The following LRRC39 variants were observed in gnomAD, a reference collection of about 807,000 sequenced individuals.
LRRC39 encodes the protein leucine rich repeat containing 39.
A neutral mutation model predicts 39.7 loss-of-function variants in LRRC39; 35 were observed. The observed-to-expected ratio is 0.88, with a 90% CI of 0.67 to 1.17. The LOEUF (loss-of-function observed/expected upper bound fraction) is 1.17. Ranked by LOEUF, LRRC39 falls within the 50% of genes most tolerant of loss-of-function variation. LRRC39 has a pLI of 0.00. For missense variants in LRRC39, 357 were observed against 385.8 expected (o/e 0.93, Z 0.62); for synonymous variants, 113 against 134.1 (o/e 0.84, Z 1.09).
chr1:100,169,997 A>G lies in LRRC39; in HGVS notation c.-78-1403T>C, dbSNP rs546433246. Among the ~76,000 whole-genome samples, 23 of 152,286 alleles carry G rather than the reference A, an allele frequency of 1.5e-4. No homozygotes were observed. The South Asian group carries it at 4.6e-3, about 30-fold the overall frequency. ...GGTCATAATTTGTACTTCCCTGATG[A>G]TTAAGTGTTCCAAGTTAATATACAA... On this transcript the variant is annotated intron_variant, in intron 2 of 9. Transcript: ENST00000370137.
At chr1:100,151,477 G>A (rs111334083) in intron 9 of LRRC39, among the ~76,000 whole-genome samples, 6,004 of 152,146 alleles carry the variant, frequency 0.039, 185 homozygotes, top group Non-Finnish European at 0.06. Context: ...TCCACTGAAT[G>A]TTAGTAAAAA....
In LRRC39 at chr1:100,153,103, A is replaced by G. The variant is rs536142556; in HGVS notation, c.813-579T>C. ...ATATCTTAAATATAAAATTAGTGCT[A>G]TGAACTTAGTTTCTGCATAATTTAT... On this transcript the variant is annotated intron_variant, in intron 8 of 9. Coordinates refer to ENST00000370137, the MANE Select transcript of LRRC39 (RefSeq NM_144620.4). Among the ~76,000 whole-genome samples the G allele has an allele frequency of 5.3e-5, 8 of 152,336 alleles. No homozygotes were observed. The East Asian group carries it at 1.3e-3, about 26-fold the overall frequency.
intron 9 of LRRC39, among the ~76,000 whole-genome samples, chr1:100,150,925 C>T (rs374635423): frequency 1.3e-4 from 20 of 152,084 alleles, no homozygotes; most frequent in East Asian, 1.2e-3. Flanking sequence ...GTCAGGAGTT[C>T]GAGACCAGCC....
chr1:100,168,760 G>A (rs1438630122), intron 2 of LRRC39, 166 bp from the exon 3 acceptor site: 1 of 338,502 alleles, frequency 3.0e-6, no homozygotes, highest in Non-Finnish European at 5.2e-6. Flanking sequence ...TATAATATAG[G>A]TACTTTTATT....
intron 5 of LRRC39, among the ~76,000 whole-genome samples, chr1:100,158,682 T>A (rs909288295): frequency 6.6e-6 from 1 of 151,968 alleles, no homozygotes; most frequent in Non-Finnish European, 1.5e-5. Context: ...GTGATCCGCC[T>A]GCCTCGGCCT....
At chr1:100,173,842 A>G (rs944889223) in intron 1 of LRRC39, among the ~76,000 whole-genome samples, 2 of 152,204 alleles carry the variant, frequency 1.3e-5, no homozygotes, top group Admixed American at 6.5e-5. Context: ...AAAATATACT[A>G]TTTTCAATAG....
Position 100,155,097 on chromosome 1 carries a change from T to C in LRRC39, c.766A>G (p.Lys256Glu), listed in dbSNP as rs1658362497. ...ATGCATACTGGAATATCTTGCAGTT[T>C]ATTGTTGCTGAGAACAAGAGTACCC... ...NLGTLVLSNN[K>E]LQDIPVCMEE... is the part of the protein sequence containing the mutation. The change falls in exon 8 of 10, where the codon AAA (lysine) becomes GAA (glutamate). Residue 256 changes from lysine (K) to glutamate (E), a missense_variant. Coordinates refer to ENST00000370137, the MANE Select transcript of LRRC39 (RefSeq NM_144620.4). The C allele has an allele frequency of 5.6e-6, 9 of 1,608,804 alleles. No individual in the cohort carries two copies. The highest frequency in any genetic ancestry group is 2.7e-5 in the African/African-American group (2 of 74,566).
Position 100,148,807 on chromosome 1 carries a change from A to T in LRRC39, c.*235T>A. 1 of 1,505,366 alleles carries T rather than the reference A, an allele frequency of 6.6e-7. No homozygotes were observed. The highest frequency in any genetic ancestry group is 8.9e-7 in the Non-Finnish European group (1 of 1,129,672). The allele number at this position is 1,505,366 out of a possible 1,614,324, so 93.3% of individuals were successfully genotyped here. A position where few individuals can be genotyped will look rare whatever the true frequency, so the allele number is the denominator to read the frequency against. On this transcript the variant is annotated 3_prime_UTR_variant, in exon 10 of 10. Coordinates refer to ENST00000370137, the MANE Select transcript of LRRC39 (RefSeq NM_144620.4). Reference sequence around the variant, plus strand: ...TTACCAAATCATTCTTCATCACCAGAAACAACTGCTTAATGGAAAAGAAAT... The same window carrying T: ...TTACCAAATCATTCTTCATCACCAGTAACAACTGCTTAATGGAAAAGAAAT...
At chr1:100,152,361 CTG>C (rs768939635) in intron 9 of LRRC39, 22 bp downstream of exon 9, 4 of 1,599,108 alleles carry the variant, frequency 2.5e-6, no homozygotes, top group Non-Finnish European at 3.4e-6. Flanking sequence ...AACATTTAAT[CTG>C]TGTTATATAC....
intron 6 of LRRC39, among the ~76,000 whole-genome samples, chr1:100,157,089 G>T (rs1425050369): frequency 6.6e-6 from 1 of 152,106 alleles, no homozygotes; most frequent in African/African-American, 2.4e-5. Context: ...ATATTTATTG[G>T]CCCTCTTGTA....
At position 100,148,676 on chromosome 1, in the gene LRRC39, G is replaced by T; in HGVS notation, c.*366C>A. The T allele has an allele frequency of 6.2e-7, 1 of 1,613,122 alleles. No individual in the cohort carries two copies. On this transcript the variant is annotated 3_prime_UTR_variant, in exon 10 of 10. Coordinates refer to ENST00000370137, the MANE Select transcript of LRRC39 (RefSeq NM_144620.4). ...AAATAGGGCATCTTTGTAAATTGCT[G>T]ATTGACCAAGGTCGAATCCAGTATT...
At chr1:100,159,158 T>C in intron 5 of LRRC39, 101 bp downstream of exon 5, 1 of 922,982 alleles carries the variant, frequency 1.1e-6, no homozygotes, top group East Asian at 2.8e-5. Flanking sequence ...GGTTGAGGGC[T>C]GTATAAAGAG....
At chr1:100,159,557 C>G in intron 4 of LRRC39, 142 bp from the exon 5 acceptor site, 2 of 416,206 alleles carry the variant, frequency 4.8e-6, no homozygotes, top group African/African-American at 2.3e-5. Flanking sequence ...TTTCCAAGTG[C>G]TTTGTGTGAC....
At chr1:100,164,992 C>T (rs1430039786) in intron 3 of LRRC39, among the ~76,000 whole-genome samples, 1 of 152,148 alleles carries the variant, frequency 6.6e-6, no homozygotes, top group East Asian at 1.9e-4. Context: ...AGGCACAAGC[C>T]AGCATACCTG....
At chr1:100,156,365 C>A in intron 6 of LRRC39, 48 bp from the exon 7 acceptor site, 1 of 1,532,008 alleles carries the variant, frequency 6.5e-7, no homozygotes, top group Non-Finnish European at 8.9e-7. Context: ...ACAATGTAAA[C>A]TACTAAAAGA....
intron 3 of LRRC39, among the ~76,000 whole-genome samples, chr1:100,167,228 A>G (rs1329481989): frequency 1.3e-5 from 2 of 152,162 alleles, no homozygotes; most frequent in Admixed American, 6.5e-5. Flanking sequence ...CATAATGATC[A>G]TTGGCTGTGA....
chr1:100,179,499 C>CAAA (rs60588308), upstream of LRRC39, among the ~76,000 whole-genome samples: 588 of 45,606 alleles, frequency 0.013, 65 homozygotes, highest in Non-Finnish European at 0.015. Flanking sequence ...CTGTATCTAC[C>CAAA]AAAAAAAAAA....
chr1:100,158,397 G>A (rs780530494), intron 5 of LRRC39, 30 bp from the exon 6 acceptor site: 13 of 1,572,272 alleles, frequency 8.3e-6, no homozygotes, highest in Non-Finnish European at 1.0e-5. Flanking sequence ...ATAGAGAGGA[G>A]TTGGATATAA....
At chr1:100,157,850 G>C (rs1315779329) in intron 6 of LRRC39, among the ~76,000 whole-genome samples, 1 of 152,150 alleles carries the variant, frequency 6.6e-6, no homozygotes, top group Non-Finnish European at 1.5e-5. Flanking sequence ...AAAGTTTGGA[G>C]GCATTCCAGT....
Sources: gnomAD v4.1 joint callset for allele counts (sites outside exome capture counted in the v4.1 genomes callset) on GRCh38, gnomAD v4.1.1 for gene constraint, MANE v1.5 for transcripts, NCBI Gene and HGNC (gene_info 2026-07-23, HGNC 2026-07-21) for gene names.